Variants in GRIK1 observed in about 807,000 individuals in gnomAD.
GRIK1 encodes the protein glutamate receptor ionotropic, kainate 1.
In GRIK1, 69 loss-of-function variants were observed where a neutral mutation model predicts 105.7. The ratio of observed to expected loss-of-function variants is 0.65; its 90% confidence interval spans 0.54 to 0.80. The LOEUF (loss-of-function observed/expected upper bound fraction) is 0.80. Among genes scored for constraint, GRIK1 ranks in the 30% least tolerant of loss-of-function variants. The pLI is 0.00. For synonymous variants in GRIK1, 438 were observed against 431.3 expected, an observed-to-expected ratio of 1.02 and a Z score of -0.19; for missense variants, 1,109 against 1,167.3, an observed-to-expected ratio of 0.95 and a Z score of 0.73.
At chr21:29,667,299 A>G (rs1169528139) in intron 4 of GRIK1, among the ~76,000 whole-genome samples, 1 of 152,212 alleles carries the variant, frequency 6.6e-6, no homozygotes, top group Non-Finnish European at 1.5e-5. Flanking sequence ...TGAGCACAAC[A>G]TATATGAGGA....
Position 29,735,725 on chromosome 21 carries a change from C to T in GRIK1, c.119-41662G>A, listed in dbSNP as rs539020862. On this transcript the variant is annotated intron_variant, in intron 1 of 17. Transcript: ENST00000327783. ...CAGCCTGACCAATATGGCAAAACCC[C>T]GTCTCTATTAAAATTACAAAAATTA... Among the ~76,000 whole-genome samples the T allele has an allele frequency of 3.3e-5, 5 of 151,824 alleles. No individual in the cohort carries two copies. In the East Asian group the frequency reaches 5.8e-4, roughly 18 times the overall value.
chr21:29,604,496 A>G (rs1158423660), intron 7 of GRIK1, among the ~76,000 whole-genome samples: 1 of 152,204 alleles, frequency 6.6e-6, no homozygotes, highest in Non-Finnish European at 1.5e-5. Context: ...TAGGGTGAAT[A>G]TGCAATGACT....
At chr21:29,670,286 G>A (rs908017056) in intron 4 of GRIK1, among the ~76,000 whole-genome samples, 2 of 152,206 alleles carry the variant, frequency 1.3e-5, no homozygotes, top group South Asian at 4.1e-4. Context: ...CATGATAAGA[G>A]AGAGGATAGA....
intron 4 of GRIK1, among the ~76,000 whole-genome samples, chr21:29,670,133 A>G (rs774849494): frequency 4.6e-5 from 7 of 152,162 alleles, no homozygotes; most frequent in Non-Finnish European, 7.4e-5. Flanking sequence ...AGGACCTTTA[A>G]AAAAGGGTTC....
At chr21:29,801,855 C>A (rs1601732553) in intron 1 of GRIK1, among the ~76,000 whole-genome samples, 1 of 152,052 alleles carries the variant, frequency 6.6e-6, no homozygotes, top group East Asian at 1.9e-4. Flanking sequence ...ACGACTCTAC[C>A]CACTCTCTTT....
intron 1 of GRIK1, among the ~76,000 whole-genome samples, chr21:29,700,874 A>G (rs1159091742): frequency 2.0e-5 from 3 of 152,220 alleles, no homozygotes; most frequent in Non-Finnish European, 2.9e-5. Context: ...CAGAGAATCC[A>G]TCTCATTTAA....
At chr21:29,935,341 T>C (rs779060537) in intron 1 of GRIK1, among the ~76,000 whole-genome samples, 1 of 152,218 alleles carries the variant, frequency 6.6e-6, no homozygotes, top group Non-Finnish European at 1.5e-5. Context: ...GCAGATGCTG[T>C]CCATTTTATT....
chr21:29,857,184 A>G (rs1303998865), intron 1 of GRIK1, among the ~76,000 whole-genome samples: 1 of 152,244 alleles, frequency 6.6e-6, no homozygotes. Flanking sequence ...GTGGAAGCAG[A>G]GAGGTCAATG....
At chr21:29,910,532 T>C (rs2070778600) in intron 1 of GRIK1, among the ~76,000 whole-genome samples, 1 of 152,146 alleles carries the variant, frequency 6.6e-6, no homozygotes, top group Non-Finnish European at 1.5e-5. Flanking sequence ...AGATTTTTCT[T>C]TGACCTTGTG....
chr21:29,757,654 G>A (rs1347250752), intron 1 of GRIK1, among the ~76,000 whole-genome samples: 5 of 152,122 alleles, frequency 3.3e-5, no homozygotes, highest in African/African-American at 7.2e-5. Flanking sequence ...AGAGCTTATC[G>A]AGTGTGTACC....
At chr21:29,920,711 C>T (rs1486056053) in intron 1 of GRIK1, among the ~76,000 whole-genome samples, 1 of 152,078 alleles carries the variant, frequency 6.6e-6, no homozygotes, top group Non-Finnish European at 1.5e-5. Context: ...ACTCATGAAG[C>T]TTGGAGAGCC....
In GRIK1 at chr21:29,848,781, T is replaced by TA. The variant is rs1204495109; in HGVS notation, c.118+90601_118+90602insT. 2.6e-3 allele frequency among the ~76,000 whole-genome samples: 213 copies of TA among 81,346 alleles called. 1 individual carries two copies. Among genetic ancestry groups the TA allele is most frequent in the African/African-American group, 5.4e-3 (103 of 19,052 alleles). 53.4% of individuals were successfully genotyped at this position (81,346 alleles called of 152,430 possible). A position where few individuals can be genotyped will look rare whatever the true frequency, so the allele number is the denominator to read the frequency against. Reference sequence around the variant, plus strand: ...TATATATATATATATATATATATATTTTTTTTTTTTTCCACGATCTTCACC... The same window carrying TA: ...TATATATATATATATATATATATATTATTTTTTTTTTTCCACGATCTTCACC... On this transcript the variant is annotated intron_variant, in intron 1 of 17. Coordinates refer to ENST00000327783, the MANE Select transcript of GRIK1 (RefSeq NM_001330994.2).
At chr21:29,610,961 C>T (rs940710379) in intron 7 of GRIK1, among the ~76,000 whole-genome samples, 1 of 152,124 alleles carries the variant, frequency 6.6e-6, no homozygotes, top group African/African-American at 2.4e-5. Flanking sequence ...TCTTGCACTG[C>T]CCCCATGTAA....
intron 1 of GRIK1, among the ~76,000 whole-genome samples, chr21:29,780,581 T>C (rs1810896618): frequency 6.6e-6 from 1 of 152,132 alleles, no homozygotes; most frequent in South Asian, 2.1e-4. Context: ...CCTGCGACAA[T>C]AGAAACAGAA....
chr21:29,827,978 T>G (rs1239305638), intron 1 of GRIK1, among the ~76,000 whole-genome samples: 3 of 107,556 alleles, frequency 2.8e-5, no homozygotes, highest in African/African-American at 8.9e-5. Context: ...AGTTAGGATC[T>G]CTCTCTCTCT....
At chr21:29,687,139 C>G (rs1314789701) in intron 3 of GRIK1, among the ~76,000 whole-genome samples, 2 of 152,100 alleles carry the variant, frequency 1.3e-5, no homozygotes, top group Admixed American at 6.5e-5. Context: ...GAATTTTGTC[C>G]TTAGAGACGT....
At chr21:29,593,951 T>C (rs112676004) in intron 9 of GRIK1, among the ~76,000 whole-genome samples, 1 of 152,218 alleles carries the variant, frequency 6.6e-6, no homozygotes, top group Non-Finnish European at 1.5e-5. Context: ...TCCAATCAAC[T>C]AAGTCCCAAG....
At chr21:29,871,972 C>G (rs2069028914) in intron 1 of GRIK1, among the ~76,000 whole-genome samples, 1 of 151,734 alleles carries the variant, frequency 6.6e-6, no homozygotes, top group Non-Finnish European at 1.5e-5. Context: ...CCTTGTTGCC[C>G]AGGCTGGTCT....
At chr21:29,902,116 T>G (rs1247765626) in intron 1 of GRIK1, among the ~76,000 whole-genome samples, 4 of 152,150 alleles carry the variant, frequency 2.6e-5, no homozygotes, top group African/African-American at 4.8e-5. Flanking sequence ...CTAAAAACTC[T>G]CAATAAACTA....
Sources: gnomAD v4.1 joint callset for allele counts (sites outside exome capture counted in the v4.1 genomes callset) on GRCh38, gnomAD v4.1.1 for gene constraint, MANE v1.5 for transcripts, NCBI Gene and HGNC (gene_info 2026-07-23, HGNC 2026-07-21) for gene names.